The following MAN2A1 variants were observed in gnomAD, a reference collection of about 807,000 sequenced individuals.
MAN2A1 encodes alpha-mannosidase 2.
In MAN2A1, 76 loss-of-function variants were observed where a neutral mutation model predicts 142.6. The observed-to-expected ratio is 0.53, with a 90% CI of 0.44 to 0.65. The LOEUF is 0.65. Ranked by LOEUF, MAN2A1 falls within the 30% of genes least tolerant of loss-of-function variation. MAN2A1 has a pLI of 0.00. For synonymous variants in MAN2A1, 559 were observed against 473.2 expected (o/e 1.18, Z -2.35); for missense variants, 1,311 against 1,365.1 (o/e 0.96, Z 0.62).
At chr5:109,725,950 T>A (rs1751732222) in intron 3 of MAN2A1, among the ~76,000 whole-genome samples, 1 of 152,244 alleles carries the variant, frequency 6.6e-6, no homozygotes, top group African/African-American at 2.4e-5. Flanking sequence ...GGTTTATGCC[T>A]GCTTTGTGGA....
In MAN2A1 at chr5:109,781,524, T is replaced by C. The variant is rs1376244659; in HGVS notation, c.1503T>C (p.Asp501=). The C allele has an allele frequency of 1.2e-6, 2 of 1,613,408 alleles. No individual in the cohort carries two copies. Among genetic ancestry groups the C allele is most frequent in the Admixed American group, 3.3e-5 (2 of 59,862 alleles). Residue 501 remains aspartate (D), a synonymous_variant, in exon 9 of 22, where the codon GAT becomes GAC. Transcript: ENST00000261483. ...TTTTCACTTATGCCGATCGAGATGA[T>C]CATTACTGGAGTGGCTATTTTACAT... ...GDFFTYADRD[D]HYWSGYFTSR...
intron 4 of MAN2A1, among the ~76,000 whole-genome samples, chr5:109,735,378 A>G (rs1582839618): frequency 6.6e-6 from 1 of 152,158 alleles, no homozygotes; most frequent in East Asian, 1.9e-4. Context: ...TTACATTTAA[A>G]GTTAATATTG....
chr5:109,708,834 A>G (rs767578979), intron 1 of MAN2A1, among the ~76,000 whole-genome samples: 1 of 152,180 alleles, frequency 6.6e-6, no homozygotes, highest in African/African-American at 2.4e-5. Context: ...CTTAGAGAGG[A>G]TGAGAATTTG....
chr5:109,734,847 G>A (rs1218476303), intron 4 of MAN2A1, among the ~76,000 whole-genome samples: 2 of 152,190 alleles, frequency 1.3e-5, no homozygotes, highest in African/African-American at 4.8e-5. Flanking sequence ...TGTATATTCT[G>A]TTGATTTGGG....
chr5:109,827,790 A>G (rs780613867), intron 16 of MAN2A1, among the ~76,000 whole-genome samples: 34 of 152,238 alleles, frequency 2.2e-4, no homozygotes, highest in Non-Finnish European at 4.4e-4. Context: ...AAGCTCTACA[A>G]GATCAGAGCA....
rs541346251 is a variant in MAN2A1, at chr5:109,853,213, A to G, written c.2977-1927A>G. On this transcript the variant is annotated intron_variant, in intron 19 of 21. Coordinates refer to ENST00000261483, the MANE Select transcript of MAN2A1 (RefSeq NM_002372.4). Reference sequence around the variant, plus strand: ...TTCTAAAGGGAGCTCTGTTTTCTCTATAAGATTGGATGTCTGGGGTGGCAC... The same window carrying G: ...TTCTAAAGGGAGCTCTGTTTTCTCTGTAAGATTGGATGTCTGGGGTGGCAC... 2.0e-4 allele frequency among the ~76,000 whole-genome samples: 31 copies of G among 152,250 alleles called. No individual in the cohort carries two copies. The South Asian group carries it at 5.6e-3, about 27-fold the overall frequency.
intron 5 of MAN2A1, among the ~76,000 whole-genome samples, chr5:109,755,763 T>C (rs911137313): frequency 2.0e-5 from 3 of 151,872 alleles, no homozygotes; most frequent in Non-Finnish European, 4.4e-5. Flanking sequence ...TTATGGTAGC[T>C]TAAGTTTTTT....
chr5:109,823,391 G>A (rs1002403480), intron 15 of MAN2A1, among the ~76,000 whole-genome samples: 5 of 152,146 alleles, frequency 3.3e-5, no homozygotes, highest in Non-Finnish European at 5.9e-5. Flanking sequence ...CTGGGAAAAT[G>A]TAACTTCTGT....
At chr5:109,776,306 A>G (rs1206962475) in intron 8 of MAN2A1, among the ~76,000 whole-genome samples, 2 of 152,124 alleles carry the variant, frequency 1.3e-5, no homozygotes, top group Non-Finnish European at 2.9e-5. Flanking sequence ...AAATAAACCT[A>G]ATAAAATATC....
chr5:109,735,912 G>A (rs542351633), intron 4 of MAN2A1, among the ~76,000 whole-genome samples: 1 of 119,972 alleles, frequency 8.3e-6, no homozygotes, highest in South Asian at 2.6e-4. Flanking sequence ...CTCTTGATAG[G>A]AGGCTTAAAA....
chr5:109,781,460 A>G lies in MAN2A1; in HGVS notation c.1439A>G (p.Asp480Gly). ...ALDKADETQR[D>G]KGQSMFPVLS... The stretch of plus-strand genomic sequence containing the variant: ...GATAAAGCAGATGAAACTCAGAGAG[A>G]CAAGGGCCAATCGATGTTCCCTGTT... The change falls in exon 9 of 22, where the codon GAC becomes GGC. Residue 480 changes from aspartate (D) to glycine (G), a missense_variant. Physicochemically the swap from Asp to Gly is moderately conservative, Grantham distance 94. Coordinates refer to ENST00000261483, the MANE Select transcript of MAN2A1 (RefSeq NM_002372.4). 6.2e-7 allele frequency: 1 copy of G among 1,613,582 alleles called. No homozygotes were observed. The highest frequency in any genetic ancestry group is 8.5e-7 in the Non-Finnish European group (1 of 1,179,808).
chr5:109,802,343 G>A (rs1442168021), intron 12 of MAN2A1, among the ~76,000 whole-genome samples: 6 of 152,058 alleles, frequency 3.9e-5, no homozygotes, highest in East Asian at 1.9e-4. Context: ...TGAATGTTCC[G>A]ATCAAAAAAT....
At chr5:109,736,717 T>A (rs2112597770) in intron 4 of MAN2A1, among the ~76,000 whole-genome samples, 1 of 152,274 alleles carries the variant, frequency 6.6e-6, no homozygotes, top group African/African-American at 2.4e-5. Flanking sequence ...ATTTACTTAA[T>A]TTTGTTGGTT....
At chr5:109,832,027 A>G (rs1174851098) in intron 16 of MAN2A1, among the ~76,000 whole-genome samples, 1 of 151,736 alleles carries the variant, frequency 6.6e-6, no homozygotes, top group Non-Finnish European at 1.5e-5. Context: ...TTCCTAATGG[A>G]TAATGTATCC....
intron 1 of MAN2A1, among the ~76,000 whole-genome samples, chr5:109,711,751 G>A (rs1751307559): frequency 6.6e-6 from 1 of 152,190 alleles, no homozygotes; most frequent in Non-Finnish European, 1.5e-5. Context: ...CACTGGTGCA[G>A]TGGGGCTTGT....
At chr5:109,812,360 T>G (rs1377145576) in intron 12 of MAN2A1, among the ~76,000 whole-genome samples, 6 of 152,094 alleles carry the variant, frequency 3.9e-5, no homozygotes, top group African/African-American at 1.4e-4. Context: ...AAAGACACTC[T>G]TAGTTTTTAA....
At chr5:109,790,911 GT>G (rs1753721973) in intron 12 of MAN2A1, among the ~76,000 whole-genome samples, 1 of 152,020 alleles carries the variant, frequency 6.6e-6, no homozygotes, top group South Asian at 2.1e-4. Flanking sequence ...GTTCCCTTTA[GT>G]TTATCTCCTT....
chr5:109,771,210 C>G (rs1184460935), intron 7 of MAN2A1, among the ~76,000 whole-genome samples: 1 of 152,054 alleles, frequency 6.6e-6, no homozygotes, highest in African/African-American at 2.4e-5. Context: ...AATTTCTTCA[C>G]TTAAAAATTA....
At chr5:109,747,143 G>T (rs982420319) in intron 4 of MAN2A1, among the ~76,000 whole-genome samples, 1 of 152,016 alleles carries the variant, frequency 6.6e-6, no homozygotes. Flanking sequence ...TATCTGTCCA[G>T]GTCCCTTCTT....
Sources: allele counts gnomAD v4.1 joint callset (sites outside exome capture counted in the v4.1 genomes callset), GRCh38; gene constraint gnomAD v4.1.1; transcripts MANE v1.5; gene names NCBI Gene and HGNC (gene_info 2026-07-23, HGNC 2026-07-21).